Variants in ATXN2L observed in about 807,000 individuals in gnomAD.
The protein encoded by ATXN2L is ataxin 2 like, also known as ataxin-2-like protein.
In ATXN2L, 24 loss-of-function variants were observed where a neutral mutation model predicts 120.7. That is an observed-to-expected ratio of 0.20 (90% CI 0.14 to 0.28). The LOEUF is 0.28. ATXN2L is among the 10% of genes least tolerant of loss of function. The probability of loss-of-function intolerance (pLI) is 1.00; values close to 1 mark genes in which losing one functional copy is unlikely to be tolerated. For missense variants in ATXN2L, 1,312 were observed against 1,432.3 expected (o/e 0.92, Z 1.36); for synonymous variants, 653 against 568.1 (o/e 1.15, Z -2.13).
chr16:28,823,014 C>G lies in ATXN2L; in HGVS notation c.-246C>G, dbSNP rs1327692797. On this transcript the variant is annotated 5_prime_UTR_variant, in exon 1 of 22. Coordinates refer to ENST00000336783, the MANE Select transcript of ATXN2L (RefSeq NM_007245.4). ...TCCGCTCCCCGGCGACGCGCACGCG[C>G]GCCAGCCCGGCTCGCGCCCTCTCGC... is the stretch of plus-strand genomic sequence containing the variant. The G allele has an allele frequency of 4.4e-6, 1 of 224,832 alleles. No individual in the cohort carries two copies. Among genetic ancestry groups the G allele is most frequent in the African/African-American group, 2.4e-5 (1 of 42,174 alleles). The allele number at this position is 224,832 out of a possible 1,614,324, so 13.9% of individuals were successfully genotyped here.
chr16:28,836,816 A>T lies in ATXN2L; in HGVS notation c.*551A>T, dbSNP rs746328979. 11 of 1,612,568 alleles carry T rather than the reference A, an allele frequency of 6.8e-6. No individual in the cohort carries two copies. Among genetic ancestry groups the T allele is most frequent in the Non-Finnish European group, 6.8e-6 (8 of 1,179,094 alleles). On this transcript the variant is annotated 3_prime_UTR_variant, in exon 22 of 22. Transcript: ENST00000336783. ...CGCGACCTGAGACCTCCATGAGTGG[A>T]GGGAAGAGTGATCTATGTCTCTTCC...
At chr16:28,834,835 T>A in intron 18 of ATXN2L, 142 bp downstream of exon 18, 2 of 1,218,680 alleles carry the variant, frequency 1.6e-6, no homozygotes, top group Non-Finnish European at 2.2e-6. Flanking sequence ...GGTGTCAGAC[T>A]TGGGCTTGAG....
chr16:28,826,835 TCC>T, intron 5 of ATXN2L, 25 bp from the exon 6 acceptor site: 1 of 1,529,094 alleles, frequency 6.5e-7, no homozygotes, highest in South Asian at 1.3e-5. Flanking sequence ...ATAGCCTGAC[TCC>T]TGATCTTCAC....
At chr16:28,830,507 T>G in intron 8 of ATXN2L, 108 bp from the exon 9 acceptor site, 1 of 1,031,784 alleles carries the variant, frequency 9.7e-7, no homozygotes, top group Non-Finnish European at 1.4e-6. Flanking sequence ...CCAGGCAGTG[T>G]GTGTATGTTT....
intron 6 of ATXN2L, among the ~76,000 whole-genome samples, chr16:28,828,654 G>A (rs1301264916): frequency 1.3e-5 from 2 of 151,748 alleles, no homozygotes; most frequent in African/African-American, 4.8e-5. Flanking sequence ...TGCCAGCCAC[G>A]TTCCAATTTT....
Position 28,823,454 on chromosome 16 carries a change from C to T in ATXN2L, c.195C>T (p.Ala65=). ...ASPCLGPVAA[A]GSGLRRGAEG... ...CCTGCCTGGGGCCTGTGGCCGCTGCCGGGAGCGGGCTCCGCCGGGGAGCCG... is the reference window on the plus strand; with the variant it reads ...CCTGCCTGGGGCCTGTGGCCGCTGCTGGGAGCGGGCTCCGCCGGGGAGCCG... The change falls in exon 1 of 22, where the codon GCC becomes GCT. Residue 65 remains alanine (A), a synonymous_variant. Transcript: ENST00000336783. 2 of 1,329,350 alleles carry T rather than the reference C, an allele frequency of 1.5e-6. No homozygotes were observed. Among genetic ancestry groups the T allele is most frequent in the Non-Finnish European group, 1.9e-6 (2 of 1,045,726 alleles). 82.3% of individuals were successfully genotyped at this position (1,329,350 alleles called of 1,614,324 possible).
intron 18 of ATXN2L, 136 bp from the exon 19 acceptor site, chr16:28,834,922 G>T: frequency 7.9e-7 from 1 of 1,269,188 alleles, no homozygotes; most frequent in East Asian, 2.4e-5. Context: ...GTGTCTGCTG[G>T]GTGGGATCGT....
rs562767233 is a variant in ATXN2L at position 28,837,213 on chromosome 16, A to T, written c.*948A>T. The T allele has an allele frequency of 2.8e-3, 475 of 169,540 alleles. 4 individuals are homozygous for T. The highest frequency in any genetic ancestry group is 2.9e-3 in the Non-Finnish European group (233 of 80,928). The allele number at this position is 169,540 out of a possible 1,614,324, so 10.5% of individuals were successfully genotyped here. A position where few individuals can be genotyped will look rare whatever the true frequency, so the allele number is the denominator to read the frequency against. On this transcript the variant is annotated 3_prime_UTR_variant, in exon 22 of 22. Coordinates refer to ENST00000336783, the MANE Select transcript of ATXN2L (RefSeq NM_007245.4). ...TAAAAATATTAAAAAATAAATAAAA[A>T]AAATAAAATTTTAAACTAACTTAAC...
chr16:28,826,069 T>A, intron 4 of ATXN2L, 171 bp from the exon 5 acceptor site: 1 of 860,738 alleles, frequency 1.2e-6, no homozygotes, highest in Non-Finnish European at 1.8e-6. Context: ...GTCCTGTGGC[T>A]GATGTTGAGA....
chr16:28,836,441 C>T lies in ATXN2L; in HGVS notation c.*176C>T. On this transcript the variant is annotated 3_prime_UTR_variant, in exon 22 of 22. Transcript: ENST00000336783. ...ATCCAGCAGCCCCCCTCCCCACTGC[C>T]TCCCCAGCTCTCAGTGACCCCGACT... is the stretch of plus-strand genomic sequence containing the variant. The T allele has an allele frequency of 6.2e-7, 1 of 1,613,252 alleles. No individual in the cohort carries two copies. The highest frequency in any genetic ancestry group is 1.1e-5 in the South Asian group (1 of 91,056).
chr16:28,833,214 T>C lies in ATXN2L; in HGVS notation c.1815T>C (p.Asp605=), dbSNP rs1217100834. 11 of 1,613,890 alleles carry C rather than the reference T, an allele frequency of 6.8e-6. No individual in the cohort carries two copies. Among genetic ancestry groups the C allele is most frequent in the African/African-American group, 1.3e-5 (1 of 74,862 alleles). Residue 605 remains aspartate (D), a synonymous_variant, in exon 14 of 22, where the codon GAT becomes GAC. Coordinates refer to ENST00000336783, the MANE Select transcript of ATXN2L (RefSeq NM_007245.4). ...CCTCCAAGACAGAGTCCGTATCGGATAAGGAGGACAAACCACCCCTGGCAC... is the reference window on the plus strand; with the variant it reads ...CCTCCAAGACAGAGTCCGTATCGGACAAGGAGGACAAACCACCCCTGGCAC... ...PVSSKTESVS[D]KEDKPPLAPS...
intron 1 of ATXN2L, chr16:28,823,823 T>C: frequency 2.8e-6 from 1 of 352,140 alleles, no homozygotes. Flanking sequence ...GCGGGGCGCA[T>C]CCCGCCGGCG....
In ATXN2L at chr16:28,830,650, G is replaced by C; in HGVS notation, c.1070G>C (p.Arg357Pro). 6.2e-7 allele frequency: 1 copy of C among 1,610,644 alleles called. No homozygotes were observed. The highest frequency in any genetic ancestry group is 8.5e-7 in the Non-Finnish European group (1 of 1,178,626). ...GKYIPLPQRV[R>P]EGPRGGVRCS... ...TATATCCCTCTGCCTCAACGAGTCC[G>C]GGAAGGTCCCCGGGGAGGAGTTCGA... Residue 357 changes from arginine (R) to proline (P), a missense_variant, in exon 9 of 22, where the codon CGG (arginine) becomes CCG (proline). Physicochemically the swap from Arg to Pro is moderately radical, Grantham distance 103. Coordinates refer to ENST00000336783, the MANE Select transcript of ATXN2L (RefSeq NM_007245.4).
At position 28,836,941 on chromosome 16, in the gene ATXN2L, G is replaced by A. The variant is rs1961180418; in HGVS notation, c.*676G>A. 2 of 765,102 alleles carry A rather than the reference G, an allele frequency of 2.6e-6. No homozygotes were observed. The highest frequency in any genetic ancestry group is 3.3e-5 in the South Asian group (2 of 60,408). The allele number at this position is 765,102 out of a possible 1,614,324, so 47.4% of individuals were successfully genotyped here. A position where few individuals can be genotyped will look rare whatever the true frequency, so the allele number is the denominator to read the frequency against. The stretch of plus-strand genomic sequence containing the variant: ...CTTGAATGGGAGGGGCCTCACAGAG[G>A]GCAGGGCCAGGGTCCAGCAGGGGTG... On this transcript the variant is annotated 3_prime_UTR_variant, in exon 22 of 22. Coordinates refer to ENST00000336783, the MANE Select transcript of ATXN2L (RefSeq NM_007245.4).
chr16:28,830,689 G>A lies in ATXN2L; in HGVS notation c.1109G>A (p.Arg370Gln), dbSNP rs1401323163. The change falls in exon 9 of 22, where the codon CGG (arginine) becomes CAG (glutamine). Residue 370 changes from arginine (R) to glutamine (Q), a missense_variant. Physicochemically the swap from Arg to Gln is conservative, Grantham distance 43. Coordinates refer to ENST00000336783, the MANE Select transcript of ATXN2L (RefSeq NM_007245.4). ...PRGGVRCSSS[R>Q]GGRPGLSSLP... is the part of the protein sequence containing the mutation. ...GGAGGAGTTCGATGCAGCAGCTCTC[G>A]GGGCGGTCGGCCTGGCCTTAGCTCT... is the stretch of plus-strand genomic sequence containing the variant. 8 of 1,613,640 alleles carry A rather than the reference G, an allele frequency of 5.0e-6. No individual in the cohort carries two copies. Among genetic ancestry groups the A allele is most frequent in the Non-Finnish European group, 5.9e-6 (7 of 1,179,894 alleles).
Position 28,836,390 on chromosome 16 carries a change from C to A in ATXN2L, c.*125C>A. 6.2e-7 allele frequency: 1 copy of A among 1,613,572 alleles called. No homozygotes were observed. Among genetic ancestry groups the A allele is most frequent in the Non-Finnish European group, 8.5e-7 (1 of 1,179,936 alleles). On this transcript the variant is annotated 3_prime_UTR_variant, in exon 22 of 22. Transcript: ENST00000336783. ...GGCTTGCTCCTGGCTCTGTCCTTTG[C>A]TTCCCTCCGTCCTCGCTCAGTTGTG...
rs778927258 is a variant in ATXN2L, at chr16:28,835,723, C to T, written c.2860C>T (p.Pro954Ser). Reference protein sequence around the residue: ...AVYAIHHQQLPHGFTNMAHVT... With the variant: ...AVYAIHHQQLSHGFTNMAHVT... ...GTATGCCATCCACCACCAGCAGCTG[C>T]CCCACGGCTTCACCAACATGGCCCA... The change falls in exon 21 of 22, where the codon CCC becomes TCC. Residue 954 changes from proline to serine, a missense_variant. Pro to Ser is a moderately conservative substitution (Grantham distance 74, BLOSUM62 -1). Coordinates refer to ENST00000336783, the MANE Select transcript of ATXN2L (RefSeq NM_007245.4). 17 of 1,613,974 alleles carry T rather than the reference C, an allele frequency of 1.1e-5. No individual in the cohort carries two copies. The East Asian group carries it at 2.0e-4, about 19-fold the overall frequency.
In ATXN2L at chr16:28,836,651, C is replaced by T; in HGVS notation, c.*386C>T. 6.2e-7 allele frequency: 1 copy of T among 1,612,416 alleles called. No individual in the cohort carries two copies. The highest frequency in any genetic ancestry group is 8.5e-7 in the Non-Finnish European group (1 of 1,179,674). On this transcript the variant is annotated 3_prime_UTR_variant, in exon 22 of 22. Transcript: ENST00000336783. ...CTTCCCAGACACACCCCCACGCCCC[C>T]ACTGGACGGCATTGGAGGAAGGGAC...
At chr16:28,828,396 G>T (rs2053040967) in intron 6 of ATXN2L, among the ~76,000 whole-genome samples, 1 of 152,104 alleles carries the variant, frequency 6.6e-6, no homozygotes, top group Non-Finnish European at 1.5e-5. Flanking sequence ...GAACTAGCCT[G>T]ACCAACGTGG....
Sources: allele counts gnomAD v4.1 joint callset (sites outside exome capture counted in the v4.1 genomes callset), GRCh38; gene constraint gnomAD v4.1.1; transcripts MANE v1.5; gene names NCBI Gene and HGNC (gene_info 2026-07-23, HGNC 2026-07-21).